The following ERICH1 variants were observed in gnomAD, a reference collection of about 807,000 sequenced individuals.
ERICH1 encodes the protein glutamate-rich protein 1.
A neutral mutation model predicts 39.6 loss-of-function variants in ERICH1; 56 were observed. That is an observed-to-expected ratio of 1.41 (90% CI 1.14 to 1.77). The LOEUF (loss-of-function observed/expected upper bound fraction) is 1.77, where lower values mean the gene tolerates loss of function less well. Ranked by LOEUF, ERICH1 falls within the 40% of genes most tolerant of loss-of-function variation. The probability of loss-of-function intolerance (pLI) is 0.00; values close to 1 mark genes in which losing one functional copy is unlikely to be tolerated. For missense variants in ERICH1, 826 were observed against 575.4 expected (o/e 1.44, Z -4.45); for synonymous variants, 313 against 223.6 (o/e 1.40, Z -3.57).
chr8:690,295 A>G (rs1204210128), intron 3 of ERICH1, among the ~76,000 whole-genome samples: 1 of 152,250 alleles, frequency 6.6e-6, no homozygotes, highest in Non-Finnish European at 1.5e-5. Context: ...AACACAGACA[A>G]GACAGACTGA....
At chr8:690,219 C>A (rs1396864584) in intron 3 of ERICH1, among the ~76,000 whole-genome samples, 2 of 152,214 alleles carry the variant, frequency 1.3e-5, no homozygotes, top group Non-Finnish European at 2.9e-5. Context: ...TCCACCTGTT[C>A]CTGACAAGCT....
intron 3 of ERICH1, among the ~76,000 whole-genome samples, chr8:616,974 G>A (rs1422683502): frequency 7.7e-6 from 1 of 130,644 alleles, no homozygotes; most frequent in Non-Finnish European, 1.6e-5. Flanking sequence ...CAGAGAGAGA[G>A]AGAGAGAGAC....
At chr8:625,241 C>T (rs62486183) in intron 3 of ERICH1, among the ~76,000 whole-genome samples, 22,358 of 152,148 alleles carry the variant, frequency 0.15, 1,919 homozygotes, top group East Asian at 0.28. Flanking sequence ...GCTTCCTATC[C>T]GATGAATAGA....
intron 3 of ERICH1, among the ~76,000 whole-genome samples, chr8:633,931 G>A (rs997499773): frequency 6.6e-6 from 1 of 152,156 alleles, no homozygotes; most frequent in South Asian, 2.1e-4. Flanking sequence ...CCTCTCATAA[G>A]GAAACACAGG....
chr8:617,207 G>A (rs547630015), intron 3 of ERICH1, among the ~76,000 whole-genome samples: 34 of 152,214 alleles, frequency 2.2e-4, no homozygotes, highest in South Asian at 1.0e-3. Context: ...AGGCACTGAC[G>A]CCTTCATGAA....
intron 3 of ERICH1, among the ~76,000 whole-genome samples, chr8:678,580 C>A (rs912002392): frequency 6.6e-6 from 1 of 152,280 alleles, no homozygotes; most frequent in South Asian, 2.1e-4. Flanking sequence ...GAGGCCGAGG[C>A]GGGCGGATCA....
At chr8:660,167 C>T (rs926966425), downstream of ERICH1, among the ~76,000 whole-genome samples, 4 of 150,160 alleles carry the variant, frequency 2.7e-5, no homozygotes, top group Non-Finnish European at 4.4e-5. Context: ...GAAGGCAGGG[C>T]CTTCCCCGAC....
downstream of ERICH1, among the ~76,000 whole-genome samples, chr8:660,555 C>T (rs772525693): frequency 3.3e-5 from 5 of 152,192 alleles, no homozygotes; most frequent in Admixed American, 2.6e-4. Context: ...GGTCCCAGCC[C>T]GGGCTGTACT....
intron 3 of ERICH1, chr8:686,593 T>C (rs1807448178): frequency 6.6e-6 from 1 of 152,202 alleles, no homozygotes; most frequent in South Asian, 2.1e-4. Flanking sequence ...CCGGGAAGAA[T>C]CCAGGAGATG....
At chr8:658,556 T>G (rs1800964551) in intron 3 of ERICH1, among the ~76,000 whole-genome samples, 1 of 152,202 alleles carries the variant, frequency 6.6e-6, no homozygotes. Flanking sequence ...TGTCATGGGC[T>G]GAACTATCCG....
At chr8:657,551 G>A (rs547660842) in intron 3 of ERICH1, among the ~76,000 whole-genome samples, 7 of 150,666 alleles carry the variant, frequency 4.6e-5, no homozygotes, top group African/African-American at 7.3e-5. Context: ...CTCCTGCTCC[G>A]TCAGTCCAGA....
downstream of ERICH1, among the ~76,000 whole-genome samples, chr8:663,469 G>T (rs1309006743): frequency 6.6e-6 from 1 of 152,042 alleles, no homozygotes; most frequent in Non-Finnish European, 1.5e-5. Context: ...CCACTCCCTA[G>T]AGGAAGAGAG....
chr8:699,466 A>T (rs1018453593), intron 2 of ERICH1, among the ~76,000 whole-genome samples: 1 of 152,178 alleles, frequency 6.6e-6, no homozygotes, highest in Non-Finnish European at 1.5e-5. Context: ...AAGGACAAGC[A>T]CGAGCACAAC....
Position 664,615 on chromosome 8 carries a change from C to A in ERICH1, c.1320G>T (p.Lys440Asn), listed in dbSNP as rs1244348150. The A allele has an allele frequency of 1.2e-6, 2 of 1,611,256 alleles. No individual in the cohort carries two copies. The highest frequency in any genetic ancestry group is 1.7e-6 in the Non-Finnish European group (2 of 1,178,992). The change falls in exon 6 of 6, where the codon AAG becomes AAT. Residue 440 changes from lysine to asparagine, a missense_variant. Lys to Asn is a moderately conservative substitution (Grantham distance 94, BLOSUM62 0). Transcript: ENST00000262109. ...GAGATATTCCATTTTAGTCACTGCT[C>A]TTCTCAGGAAGGATATGTGTGATCC... is the stretch of plus-strand genomic sequence containing the variant. ...SYWITHILPE[K>N]SSD is the part of the protein sequence containing the mutation.
chr8:709,017 A>G (rs1012573693), intron 2 of ERICH1, among the ~76,000 whole-genome samples: 1 of 152,024 alleles, frequency 6.6e-6, no homozygotes, highest in African/African-American at 2.4e-5. Flanking sequence ...TGGTGTGGTA[A>G]GAATATTCTG....
rs763058845 is a variant in ERICH1, at chr8:668,590, G to C, written c.1258+8C>G. ...AGCAGGACCTTGAATAAATCGTACG[G>C]TACTTACCAGGAGGCATCGTGCAAT... is the stretch of plus-strand genomic sequence containing the variant. On this transcript the variant is annotated splice_region_variant and intron_variant, in intron 5 of 5. Coordinates refer to ENST00000262109, the MANE Select transcript of ERICH1 (RefSeq NM_207332.3). The C allele has an allele frequency of 2.7e-5, 43 of 1,613,986 alleles. No individual in the cohort carries two copies. Among genetic ancestry groups the C allele is most frequent in the Non-Finnish European group, 3.5e-5 (41 of 1,179,986 alleles).
At chr8:715,729 A>T in intron 2 of ERICH1, 132 bp downstream of exon 2, 1 of 1,267,058 alleles carries the variant, frequency 7.9e-7, no homozygotes, top group Non-Finnish European at 1.1e-6. Flanking sequence ...TGCCCTGCCC[A>T]CCTGCTGCAG....
chr8:642,139 C>T (rs1799063913), intron 3 of ERICH1, among the ~76,000 whole-genome samples: 1 of 152,146 alleles, frequency 6.6e-6, no homozygotes, highest in Non-Finnish European at 1.5e-5. Flanking sequence ...TGTGCAGATT[C>T]TTCACAAGCT....
At chr8:729,805 T>C (rs1819587231) in intron 1 of ERICH1, among the ~76,000 whole-genome samples, 1 of 140,186 alleles carries the variant, frequency 7.1e-6, no homozygotes, top group Non-Finnish European at 1.6e-5. Flanking sequence ...ATTTGGTGAA[T>C]GGAGAAAGGT....
Sources: gnomAD v4.1 joint callset for allele counts (sites outside exome capture counted in the v4.1 genomes callset) on GRCh38, gnomAD v4.1.1 for gene constraint, MANE v1.5 for transcripts, NCBI Gene and HGNC (gene_info 2026-07-23, HGNC 2026-07-21) for gene names.